The following NPR3 variants were observed in gnomAD, a reference collection of about 807,000 sequenced individuals.
The protein encoded by NPR3 is natriuretic peptide receptor 3, also known as atrial natriuretic peptide receptor 3.
A neutral mutation model predicts 54.5 loss-of-function variants in NPR3; 34 were observed. The observed-to-expected ratio is 0.62, with a 90% CI of 0.47 to 0.83. The LOEUF is 0.83. Among genes scored for constraint, NPR3 ranks in the 40% least tolerant of loss-of-function variants. The pLI, the probability that NPR3 is intolerant of heterozygous loss-of-function variation, is 0.00. For synonymous variants in NPR3, 289 were observed against 297.1 expected (o/e 0.97, Z 0.28); for missense variants, 674 against 720.8 (o/e 0.94, Z 0.74).
At chr5:32,783,274 G>A in intron 6 of NPR3, 1 of 371,264 alleles carries the variant, frequency 2.7e-6, no homozygotes, top group Non-Finnish European at 4.8e-6. Context: ...ATAATCTCTT[G>A]GCTAGGTCAT....
rs190300616 is a variant in NPR3, at chr5:32,701,844, T to G, written c.100+12658T>G. On this transcript the variant is annotated intron_variant, in intron 1 of 5. Coordinates refer to the NPR3 transcript ENST00000509104. ...ACTCTGGATTACCAGGCAGAGACTC[T>G]TCTTCTCTTCCATTTATTTTCTGCC... Among the ~76,000 whole-genome samples, 274 of 152,348 alleles carry G rather than the reference T, an allele frequency of 1.8e-3. 1 individual carries two copies. Among genetic ancestry groups the G allele is most frequent in the African/African-American group, 6.0e-3 (251 of 41,584 alleles).
At chr5:32,770,435 A>AAAAAAG (rs1554018703) in intron 3 of NPR3, among the ~76,000 whole-genome samples, 2 of 152,176 alleles carry the variant, frequency 1.3e-5, no homozygotes, top group African/African-American at 2.4e-5. Context: ...GTTTCAAAAA[A>AAAAAAG]AAAAAGAAAA....
intron 2 of NPR3, among the ~76,000 whole-genome samples, chr5:32,728,799 T>C (rs1739262677): frequency 7.1e-6 from 1 of 141,630 alleles, no homozygotes; most frequent in Non-Finnish European, 1.5e-5. Context: ...AAGCTTTTAT[T>C]TGGATTTTGG....
At chr5:32,782,201 C>T (rs1579709753) in intron 5 of NPR3, among the ~76,000 whole-genome samples, 3 of 152,086 alleles carry the variant, frequency 2.0e-5, no homozygotes, top group Non-Finnish European at 4.4e-5. Flanking sequence ...GAGGAGAGTG[C>T]AACTCTTGAA....
chr5:32,712,245 G>T lies in NPR3; in HGVS notation c.469G>T (p.Ala157Ser). Residue 157 changes from alanine (A) to serine (S), a missense_variant, in exon 1 of 8, where the codon GCT becomes TCT. Coordinates refer to ENST00000265074, the MANE Select transcript of NPR3 (RefSeq NM_001204375.2). ...ASHWDLPMLS[A>S]GALAAGFQHK... ...GCACTGGGACCTGCCCATGCTGTCG[G>T]CTGGGGCGCTGGCCGCTGGCTTCCA... The T allele has an allele frequency of 6.2e-7, 1 of 1,612,616 alleles. No homozygotes were observed. The highest frequency in any genetic ancestry group is 8.5e-7 in the Non-Finnish European group (1 of 1,179,588).
At chr5:32,713,561 G>A (rs1738383319) in intron 1 of NPR3, 2 of 807,522 alleles carry the variant, frequency 2.5e-6, no homozygotes, top group Non-Finnish European at 3.0e-6. Context: ...TGGCGCTCAC[G>A]CGCCTGGAAT....
chr5:32,759,203 G>A (rs1030981074), intron 3 of NPR3, among the ~76,000 whole-genome samples: 7 of 152,144 alleles, frequency 4.6e-5, no homozygotes, highest in Admixed American at 2.0e-4. Context: ...TGACAGTGGG[G>A]TGTTAAAGTT....
intron 3 of NPR3, among the ~76,000 whole-genome samples, chr5:32,746,457 T>C (rs1740306177): frequency 6.6e-6 from 1 of 152,204 alleles, no homozygotes; most frequent in Non-Finnish European, 1.5e-5. Context: ...TTTATTCACA[T>C]GGATAGGGTA....
intron 1 of NPR3, chr5:32,716,354 T>C: frequency 2.2e-6 from 1 of 449,276 alleles, no homozygotes; most frequent in South Asian, 1.6e-5. Flanking sequence ...TTCATATCTC[T>C]TAATAACATG....
At chr5:32,730,349 A>G (rs1739388460) in intron 2 of NPR3, among the ~76,000 whole-genome samples, 1 of 152,212 alleles carries the variant, frequency 6.6e-6, no homozygotes, top group Non-Finnish European at 1.5e-5. Flanking sequence ...GAACACCTAC[A>G]AAAACCTCGC....
upstream of NPR3, chr5:32,711,298 C>G: frequency 1.0e-6 from 1 of 965,864 alleles, no homozygotes; most frequent in Non-Finnish European, 1.2e-6. Flanking sequence ...GCTATTTAAA[C>G]GCGGGCTATG....
chr5:32,710,817 C>A (rs2111833743), upstream of NPR3: 2 of 1,494,184 alleles, frequency 1.3e-6, no homozygotes, highest in South Asian at 2.6e-5. Flanking sequence ...ATTTTTGCAC[C>A]GAAACCACAA....
intron 3 of NPR3, among the ~76,000 whole-genome samples, chr5:32,740,255 T>C (rs10074149): frequency 0.17 from 25,919 of 152,218 alleles, 2,284 homozygotes; most frequent in South Asian, 0.28. Context: ...TTGGAAAAAT[T>C]GCTCAGTTTC....
At position 32,752,553 on chromosome 5, in the gene NPR3, G is replaced by A. The variant is rs555556198; in HGVS notation, c.1059+13523G>A. 1.2e-4 allele frequency among the ~76,000 whole-genome samples: 19 copies of A among 152,220 alleles called. No individual in the cohort carries two copies. The South Asian group carries it at 2.7e-3, about 22-fold the overall frequency. Reference sequence around the variant, plus strand: ...AGGAGGCTTTCTCCTCCCCTCCTTCGCCCTCACTCCCTTTCTTTAAAGTCA... The same window carrying A: ...AGGAGGCTTTCTCCTCCCCTCCTTCACCCTCACTCCCTTTCTTTAAAGTCA... On this transcript the variant is annotated intron_variant, in intron 3 of 7. Coordinates refer to ENST00000265074, the MANE Select transcript of NPR3 (RefSeq NM_001204375.2).
chr5:32,723,166 G>A (rs934320450), intron 1 of NPR3, among the ~76,000 whole-genome samples: 1 of 152,208 alleles, frequency 6.6e-6, no homozygotes, highest in African/African-American at 2.4e-5. Flanking sequence ...GGGCTGGCAT[G>A]CATCGTGATA....
chr5:32,726,301 G>A (rs374094359), intron 2 of NPR3, among the ~76,000 whole-genome samples: 21 of 152,266 alleles, frequency 1.4e-4, no homozygotes, highest in African/African-American at 4.6e-4. Context: ...AATAAAACAC[G>A]CTTATCATGG....
At chr5:32,696,047 T>C (rs907484602) in intron 1 of NPR3, among the ~76,000 whole-genome samples, 7 of 152,212 alleles carry the variant, frequency 4.6e-5, no homozygotes, top group Non-Finnish European at 1.0e-4. Context: ...TCATTCATTT[T>C]TTGCTTTGGT....
chr5:32,714,359 G>A (rs1738435701), intron 1 of NPR3, among the ~76,000 whole-genome samples: 1 of 150,432 alleles, frequency 6.6e-6, no homozygotes, highest in African/African-American at 2.5e-5. Context: ...CACAGTGGTG[G>A]CTGAGGCCTG....
At position 32,786,447 on chromosome 5, in the gene NPR3, T is replaced by G; in HGVS notation, c.*102T>G. ...AGAAGGGGCGTTCTTGAAGAATTCA[T>G]AATTTTAAGCAGTTAGTAATTTCAT... On this transcript the variant is annotated 3_prime_UTR_variant, in exon 8 of 8. Coordinates refer to ENST00000265074, the MANE Select transcript of NPR3 (RefSeq NM_001204375.2). 3.0e-6 allele frequency: 2 copies of G among 656,300 alleles called. No individual in the cohort carries two copies. 40.7% of individuals were successfully genotyped at this position (656,300 alleles called of 1,614,324 possible).
Sources: gnomAD v4.1 joint callset for allele counts (sites outside exome capture counted in the v4.1 genomes callset) on GRCh38, gnomAD v4.1.1 for gene constraint, MANE v1.5 for transcripts, NCBI Gene and HGNC (gene_info 2026-07-23, HGNC 2026-07-21) for gene names.